The following CEP85L variants were observed in gnomAD, a reference collection of about 807,000 sequenced individuals.
CEP85L encodes the protein centrosomal protein of 85 kDa-like.
CEP85L carries 60 observed loss-of-function variants against 100.3 expected under a neutral mutation model. The observed-to-expected ratio is 0.60, with a 90% CI of 0.49 to 0.74. CEP85L has a LOEUF of 0.74. Ranked by LOEUF, CEP85L falls within the 30% of genes least tolerant of loss-of-function variation. The pLI is 0.00. For missense variants in CEP85L, 973 were observed against 936.2 expected, an observed-to-expected ratio of 1.04 and a Z score of -0.51; for synonymous variants, 319 against 322.7, an observed-to-expected ratio of 0.99 and a Z score of 0.12.
chr6:118,567,086 T>G (rs1013901214), intron 2 of CEP85L, among the ~76,000 whole-genome samples: 1 of 151,662 alleles, frequency 6.6e-6, no homozygotes, highest in Non-Finnish European at 1.5e-5. Flanking sequence ...AAACTCTAAT[T>G]CAAATGAGAA....
At chr6:118,637,130 A>G (rs1401077465) in intron 1 of CEP85L, among the ~76,000 whole-genome samples, 1 of 152,188 alleles carries the variant, frequency 6.6e-6, no homozygotes. Context: ...CATCAGTACA[A>G]TCTCAACTAT....
chr6:118,531,998 T>C (rs1342639381), intron 3 of CEP85L, among the ~76,000 whole-genome samples: 1 of 152,200 alleles, frequency 6.6e-6, no homozygotes, highest in African/African-American at 2.4e-5. Flanking sequence ...ATCCCATTAT[T>C]GGGTATATAC....
intron 1 of CEP85L, among the ~76,000 whole-genome samples, chr6:118,664,070 ATTT>A (rs745319973): frequency 7.9e-5 from 12 of 151,362 alleles, no homozygotes; most frequent in Non-Finnish European, 2.9e-5. Flanking sequence ...TAATTTTTGC[ATTT>A]TTTGTAGAGA....
rs1266027600 is a variant in CEP85L at position 118,483,766 on chromosome 6, G to T, written c.1530C>A (p.Thr510=). The T allele has an allele frequency of 5.0e-6, 8 of 1,613,704 alleles. No homozygotes were observed. Among genetic ancestry groups the T allele is most frequent in the Non-Finnish European group, 6.8e-6 (8 of 1,179,778 alleles). ...GAAGATCAGCCAGATACTTTTCCAAGGTCTCAATTCTTCTCTGCTTTTCTT... is the reference window on the plus strand; with the variant it reads ...GAAGATCAGCCAGATACTTTTCCAATGTCTCAATTCTTCTCTGCTTTTCTT... ...QNKEKQRRIE[T]LEKYLADLPT... is the part of the protein sequence containing the mutation. Residue 510 remains threonine, a synonymous_variant, in exon 7 of 13, where the codon ACC becomes ACA. Transcript: ENST00000368491.
At chr6:118,609,780 C>A (rs543170342) in intron 2 of CEP85L, among the ~76,000 whole-genome samples, 2 of 151,478 alleles carry the variant, frequency 1.3e-5, no homozygotes, top group East Asian at 3.9e-4. Context: ...GAAAAAAAAA[C>A]GTAGGTGGAA....
intron 1 of CEP85L, among the ~76,000 whole-genome samples, chr6:118,703,576 T>C (rs1302351228): frequency 5.3e-5 from 8 of 152,226 alleles, no homozygotes; most frequent in Non-Finnish European, 2.9e-5. Context: ...AAAAATAGCA[T>C]ATAATCTCTA....
intron 1 of CEP85L, among the ~76,000 whole-genome samples, chr6:118,681,021 C>T (rs1353395408): frequency 6.6e-6 from 1 of 152,164 alleles, no homozygotes; most frequent in African/African-American, 2.4e-5. Flanking sequence ...AACTATTGTG[C>T]GTGTGACATT....
At chr6:118,545,211 C>T (rs911001835) in intron 3 of CEP85L, among the ~76,000 whole-genome samples, 3 of 152,152 alleles carry the variant, frequency 2.0e-5, no homozygotes, top group Non-Finnish European at 2.9e-5. Flanking sequence ...GAAGCTTCTT[C>T]GCCCTCCGGA....
intron 2 of CEP85L, among the ~76,000 whole-genome samples, chr6:118,615,020 CAT>C (rs1341240990): frequency 1.3e-5 from 2 of 152,104 alleles, no homozygotes; most frequent in Non-Finnish European, 2.9e-5. Context: ...ACTCCAAAAA[CAT>C]AAAATATTAA....
At chr6:118,619,791 C>T (rs1773322496) in intron 2 of CEP85L, among the ~76,000 whole-genome samples, 1 of 152,160 alleles carries the variant, frequency 6.6e-6, no homozygotes, top group Non-Finnish European at 1.5e-5. Context: ...CATGGAGGGG[C>T]ATCATGTTGC....
chr6:118,646,825 G>T, intron 1 of CEP85L: 1 of 506,876 alleles, frequency 2.0e-6, no homozygotes, highest in Non-Finnish European at 2.5e-6. Flanking sequence ...ATTTCATCCA[G>T]TCTGAAAAAT....
chr6:118,530,464 C>T (rs1777228989), intron 3 of CEP85L, among the ~76,000 whole-genome samples: 1 of 150,896 alleles, frequency 6.6e-6, no homozygotes, highest in Non-Finnish European at 1.5e-5. Flanking sequence ...CAGAGTAAGA[C>T]AAGGATGCTC....
chr6:118,535,389 G>C (rs916700874), intron 3 of CEP85L, among the ~76,000 whole-genome samples: 6 of 152,178 alleles, frequency 3.9e-5, no homozygotes, highest in Non-Finnish European at 5.9e-5. Context: ...TAACTACAAA[G>C]GGGCAAAAGG....
At chr6:118,479,009 G>A (rs1227190644) in intron 10 of CEP85L, among the ~76,000 whole-genome samples, 1 of 152,098 alleles carries the variant, frequency 6.6e-6, no homozygotes, top group Non-Finnish European at 1.5e-5. Flanking sequence ...TGGAAAACGT[G>A]CCCAAGTGAA....
At chr6:118,578,955 G>T (rs1248387459) in intron 2 of CEP85L, among the ~76,000 whole-genome samples, 1 of 152,028 alleles carries the variant, frequency 6.6e-6, no homozygotes, top group African/African-American at 2.4e-5. Flanking sequence ...GTGTGCAATG[G>T]TGTGATCTTG....
chr6:118,542,574 C>T (rs1777954306), intron 3 of CEP85L, among the ~76,000 whole-genome samples: 1 of 138,892 alleles, frequency 7.2e-6, no homozygotes, highest in African/African-American at 2.6e-5. Context: ...TACGAGAAAA[C>T]TACAGTACAG....
At chr6:118,704,619 C>T (rs948692169) in intron 1 of CEP85L, among the ~76,000 whole-genome samples, 12 of 152,042 alleles carry the variant, frequency 7.9e-5, no homozygotes, top group Admixed American at 2.0e-4. Flanking sequence ...TGCAGGCACC[C>T]GCCACCATGC....
At chr6:118,650,104 T>C (rs779997659) in intron 1 of CEP85L, among the ~76,000 whole-genome samples, 1 of 152,220 alleles carries the variant, frequency 6.6e-6, no homozygotes, top group Non-Finnish European at 1.5e-5. Flanking sequence ...TTTGGAAATG[T>C]ATGCAAAAAT....
rs1775562655 is a variant in CEP85L at position 118,651,545 on chromosome 6, A to G, written c.-276T>C. The G allele has an allele frequency of 8.1e-7, 1 of 1,240,514 alleles. No homozygotes were observed. The highest frequency in any genetic ancestry group is 2.7e-5 in the South Asian group (1 of 36,364). The allele number at this position is 1,240,514 out of a possible 1,614,324, so 76.8% of individuals were successfully genotyped here. ...GTGACGGCTGCTAGATCCCCGGCTG[A>G]GCCCAGGCTCAAAGGCTCCAGGCGA... On this transcript the variant is annotated 5_prime_UTR_variant, in exon 1 of 13. Coordinates refer to ENST00000368491, the MANE Select transcript of CEP85L (RefSeq NM_001042475.3).
Sources: allele counts gnomAD v4.1 joint callset (sites outside exome capture counted in the v4.1 genomes callset), GRCh38; gene constraint gnomAD v4.1.1; transcripts MANE v1.5; gene names NCBI Gene and HGNC (gene_info 2026-07-23, HGNC 2026-07-21).